Variants in CFAP96 observed in about 807,000 individuals in gnomAD.
The protein encoded by CFAP96 is cilia-and flagella-associated protein 96.
the CFAP96 span, among the ~76,000 whole-genome samples, chr4:185,423,528 A>C: frequency 6.6e-6 from 1 of 151,536 alleles, no homozygotes; most frequent in African/African-American, 2.4e-5. Context: ...ATTCGGGTAC[A>C]TGGATATTAA....
At chr4:185,427,722 T>C in the CFAP96 span, among the ~76,000 whole-genome samples, 1 of 150,050 alleles carries the variant, frequency 6.7e-6, no homozygotes, top group South Asian at 2.2e-4. Flanking sequence ...ATAGCGCCTC[T>C]GCATTCCAGC....
the CFAP96 span, among the ~76,000 whole-genome samples, chr4:185,446,821 A>G: frequency 6.6e-6 from 1 of 152,138 alleles, no homozygotes; most frequent in African/African-American, 2.4e-5. Context: ...TTTCATGGGG[A>G]CTAATTAGCT....
the CFAP96 span, among the ~76,000 whole-genome samples, chr4:185,429,149 T>C: frequency 6.6e-6 from 1 of 152,346 alleles, no homozygotes; most frequent in East Asian, 1.9e-4. Flanking sequence ...GGAGGGCTCA[T>C]CTGGAGAATT....
the CFAP96 span, among the ~76,000 whole-genome samples, chr4:185,442,689 A>T: frequency 6.6e-6 from 1 of 152,180 alleles, no homozygotes; most frequent in East Asian, 1.9e-4. Flanking sequence ...CTTGACTTTA[A>T]TAGGATACCT....
At chr4:185,418,504 A>G in the CFAP96 span, 76 of 1,611,474 alleles carry the variant, frequency 4.7e-5, no homozygotes, top group Non-Finnish European at 6.3e-5. Flanking sequence ...CTTCTGGCTC[A>G]AATCTAAATT....
chr4:185,427,923 T>C, the CFAP96 span, among the ~76,000 whole-genome samples: 1 of 148,338 alleles, frequency 6.7e-6, no homozygotes. Flanking sequence ...CCGTCTCTAC[T>C]AAAAAATACA....
At chr4:185,447,282 C>A in the CFAP96 span, among the ~76,000 whole-genome samples, 4 of 151,806 alleles carry the variant, frequency 2.6e-5, no homozygotes, top group Non-Finnish European at 5.9e-5. Context: ...GCCGGGTTCA[C>A]GCCATTCTCC....
chr4:185,442,366 A>G, the CFAP96 span, among the ~76,000 whole-genome samples: 1 of 152,024 alleles, frequency 6.6e-6, no homozygotes, highest in African/African-American at 2.4e-5. Context: ...TTTGTATTTT[A>G]TATTGCATAG....
chr4:185,426,879 CAAAAAAAAAAAAAAAAAAAAAA>C, the CFAP96 span, among the ~76,000 whole-genome samples: 5 of 69,038 alleles, frequency 7.2e-5, no homozygotes, highest in African/African-American at 3.3e-4. Flanking sequence ...CTAAAAATAC[CAAAAAAAAAAAAAAAAAAAAAA>C]AAAAAAAAAA....
the CFAP96 span, chr4:185,416,094 G>C: frequency 5.7e-6 from 2 of 352,246 alleles, no homozygotes; most frequent in Non-Finnish European, 1.0e-5. Flanking sequence ...GCCAGTAGAA[G>C]GACTTTTAAA....
chr4:185,422,445 A>T, the CFAP96 span: 17 of 1,432,316 alleles, frequency 1.2e-5, no homozygotes, highest in African/African-American at 2.4e-4. Flanking sequence ...ATATTTCACT[A>T]TCAATTTTCT....
chr4:185,429,154 A>C, the CFAP96 span, among the ~76,000 whole-genome samples: 4 of 152,178 alleles, frequency 2.6e-5, no homozygotes, highest in Non-Finnish European at 4.4e-5. Context: ...GCTCATCTGG[A>C]GAATTTTGAA....
the CFAP96 span, chr4:185,426,277 T>G: frequency 5.7e-6 from 1 of 175,996 alleles, no homozygotes; most frequent in Non-Finnish European, 1.2e-5. Flanking sequence ...AGCCCAGGCG[T>G]GTCGCGCGCT....
At chr4:185,433,938 G>A in the CFAP96 span, among the ~76,000 whole-genome samples, 40 of 152,108 alleles carry the variant, frequency 2.6e-4, no homozygotes, top group Admixed American at 8.5e-4. Flanking sequence ...GAGGATTTTC[G>A]GTGGGTGCAG....
At chr4:185,416,122 G>A in the CFAP96 span, 1 of 282,166 alleles carries the variant, frequency 3.5e-6, no homozygotes, top group Non-Finnish European at 6.5e-6. Context: ...ATATAAAGCT[G>A]TACTACAGTA....
the CFAP96 span, among the ~76,000 whole-genome samples, chr4:185,430,767 G>A: frequency 6.6e-6 from 1 of 151,940 alleles, no homozygotes; most frequent in Non-Finnish European, 1.5e-5. Context: ...GCTGGGCATG[G>A]TGTCCTGCCC....
chr4:185,449,720 A>G, the CFAP96 span: 3 of 1,013,902 alleles, frequency 3.0e-6, no homozygotes, highest in Non-Finnish European at 4.3e-6. Flanking sequence ...TTGAAAAAAT[A>G]TAAGATGTTA....
At chr4:185,436,197 A>C in the CFAP96 span, 3 of 1,546,994 alleles carry the variant, frequency 1.9e-6, no homozygotes, top group Non-Finnish European at 1.7e-6. Flanking sequence ...AGATATTTTT[A>C]ATACTTTGTC....
chr4:185,434,799 C>T, the CFAP96 span, among the ~76,000 whole-genome samples: 5 of 151,942 alleles, frequency 3.3e-5, no homozygotes, highest in South Asian at 2.1e-4. Flanking sequence ...AGTGCAGTGG[C>T]GCGATCTCAG....
Sources: allele counts gnomAD v4.1 joint callset (sites outside exome capture counted in the v4.1 genomes callset), GRCh38; gene constraint gnomAD v4.1.1; transcripts MANE v1.5; gene names NCBI Gene and HGNC (gene_info 2026-07-23, HGNC 2026-07-21).